Variants in LMX1A observed in about 807,000 individuals in gnomAD.
LMX1A encodes the protein LIM homeobox transcription factor 1-alpha.
LMX1A carries 15 observed loss-of-function variants against 49.1 expected under a neutral mutation model. The observed-to-expected ratio is 0.31, with a 90% CI of 0.20 to 0.47. The LOEUF is 0.47. LMX1A is among the 20% of genes least tolerant of loss of function. LMX1A has a pLI of 1.00. For synonymous variants in LMX1A, 167 were observed against 185.7 expected (o/e 0.90, Z 0.82); for missense variants, 372 against 475.8 (o/e 0.78, Z 2.03).
intron 3 of LMX1A, among the ~76,000 whole-genome samples, chr1:165,339,366 G>A (rs1317219562): frequency 1.3e-5 from 2 of 152,216 alleles, no homozygotes; most frequent in Non-Finnish European, 2.9e-5. Flanking sequence ...ATGTGCATAG[G>A]CACAGCTGAC....
intron 3 of LMX1A, among the ~76,000 whole-genome samples, chr1:165,339,610 G>A (rs1285534769): frequency 1.3e-5 from 2 of 152,222 alleles, no homozygotes; most frequent in Admixed American, 1.3e-4. Context: ...TGGCAAAGCA[G>A]CTCTGTGAGA....
chr1:165,356,250 G>A (rs1408109509), intron 1 of LMX1A, 105 bp downstream of exon 1: 1 of 152,308 alleles, frequency 6.6e-6, no homozygotes, highest in African/African-American at 2.4e-5. Context: ...AGTCGCCTCG[G>A]GGAGGAGCCC....
chr1:165,312,319 T>C (rs1355911268), intron 3 of LMX1A, among the ~76,000 whole-genome samples: 4 of 152,344 alleles, frequency 2.6e-5, no homozygotes, highest in Admixed American at 6.5e-5. Flanking sequence ...TCTGCCCCTA[T>C]TTGCTGTTGC....
At chr1:165,301,322 A>G (rs1654768385) in intron 3 of LMX1A, among the ~76,000 whole-genome samples, 1 of 152,150 alleles carries the variant, frequency 6.6e-6, no homozygotes, top group African/African-American at 2.4e-5. Context: ...TCGCTGCACA[A>G]CGTTTGGCTT....
At chr1:165,346,445 T>A (rs1656246097) in intron 3 of LMX1A, among the ~76,000 whole-genome samples, 1 of 152,232 alleles carries the variant, frequency 6.6e-6, no homozygotes, top group Non-Finnish European at 1.5e-5. Flanking sequence ...TAATGGGGAA[T>A]CTGGCAATCG....
chr1:165,234,946 C>A (rs1355723184), intron 4 of LMX1A, among the ~76,000 whole-genome samples: 1 of 152,172 alleles, frequency 6.6e-6, no homozygotes, highest in Non-Finnish European at 1.5e-5. Context: ...GAACAGCAAA[C>A]ATTCATAGAA....
intron 4 of LMX1A, among the ~76,000 whole-genome samples, chr1:165,225,237 G>C (rs1029295609): frequency 6.6e-6 from 1 of 152,170 alleles, no homozygotes; most frequent in Non-Finnish European, 1.5e-5. Context: ...GAGAAATCTT[G>C]GACAGACCTT....
chr1:165,300,866 A>T (rs1654755061), intron 3 of LMX1A, among the ~76,000 whole-genome samples: 1 of 152,150 alleles, frequency 6.6e-6, no homozygotes, highest in African/African-American at 2.4e-5. Context: ...GATGTCTGTG[A>T]ACCCAGGTAT....
chr1:165,231,907 G>A (rs1457596571), intron 4 of LMX1A, among the ~76,000 whole-genome samples: 3 of 152,090 alleles, frequency 2.0e-5, no homozygotes, highest in African/African-American at 2.4e-5. Flanking sequence ...CTGGGAATTC[G>A]CCTATACAGA....
At chr1:165,277,814 C>A (rs1654013465) in intron 3 of LMX1A, among the ~76,000 whole-genome samples, 1 of 152,180 alleles carries the variant, frequency 6.6e-6, no homozygotes, top group Non-Finnish European at 1.5e-5. Context: ...AAGAATCAAG[C>A]TTCTTTCATT....
At chr1:165,282,680 C>T (rs1310007762) in intron 3 of LMX1A, among the ~76,000 whole-genome samples, 1 of 152,132 alleles carries the variant, frequency 6.6e-6, no homozygotes, top group Admixed American at 6.5e-5. Flanking sequence ...ATTCACGTGG[C>T]AGTTAGTAGG....
chr1:165,275,847 ATGTGTGTGTGTGTGTGTG>A (rs529022372), intron 3 of LMX1A, among the ~76,000 whole-genome samples: 1,397 of 139,070 alleles, frequency 0.01, 21 homozygotes, highest in African/African-American at 0.036. Context: ...GTGTGTGTGT[ATGTGTGTGTGTGTGTGTG>A]TGTGTGTGTG....
At position 165,334,612 on chromosome 1, in the gene LMX1A, A is replaced by T. The variant is rs114702179; in HGVS notation, c.263+18464T>A. Among the ~76,000 whole-genome samples the T allele has an allele frequency of 8.3e-3, 1,254 of 151,934 alleles. 7 individuals carry two copies. Among genetic ancestry groups the T allele is most frequent in the Non-Finnish European group, 0.013 (872 of 67,974 alleles). ...AAAACTAAACATACATAATCACATG[A>T]CTAATTATGAGGAAGCTAAATACTG... On this transcript the variant is annotated intron_variant, in intron 3 of 8. Coordinates refer to ENST00000342310, the MANE Select transcript of LMX1A (RefSeq NM_177398.4).
In LMX1A at chr1:165,355,845, C is replaced by T. The variant is rs974893354; in HGVS notation, c.-22-264G>A. 2 of 475,122 alleles carry T rather than the reference C, an allele frequency of 4.2e-6. No individual in the cohort carries two copies. Among genetic ancestry groups the T allele is most frequent in the South Asian group, 5.6e-5 (2 of 35,514 alleles). 29.4% of individuals were successfully genotyped at this position (475,122 alleles called of 1,614,324 possible). A position where few individuals can be genotyped will look rare whatever the true frequency, so the allele number is the denominator to read the frequency against. ...AACTGCGTTTCTCCTTCTCCTGCCC[C>T]CCTCACCCCCACCTACATCCCTTGC... On this transcript the variant is annotated intron_variant, in intron 1 of 8. Transcript: ENST00000342310. This position sits in a 1 kb window ranked among gnomAD's most constrained non-coding sequence, Gnocchi z 4.7.
rs972981935 is a variant in LMX1A, at chr1:165,317,007, G to A, written c.263+36069C>T. Among the ~76,000 whole-genome samples, 7 of 152,292 alleles carry A rather than the reference G, an allele frequency of 4.6e-5. No individual in the cohort carries two copies. The South Asian group carries it at 6.2e-4, about 14-fold the overall frequency. ...AAACCCAAAAGATAGGATTATTTAC[G>A]GAACTGATACTTGTAAATGGCTTGA... On this transcript the variant is annotated intron_variant, in intron 3 of 8. Coordinates refer to ENST00000342310, the MANE Select transcript of LMX1A (RefSeq NM_177398.4).
chr1:165,277,111 G>T (rs576047010), intron 3 of LMX1A, among the ~76,000 whole-genome samples: 214 of 152,354 alleles, frequency 1.4e-3, no homozygotes, highest in African/African-American at 5.0e-3. Flanking sequence ...TTGACTGTTT[G>T]CCACAGGAAT....
At chr1:165,285,910 C>G (rs1222396810) in intron 3 of LMX1A, among the ~76,000 whole-genome samples, 1 of 152,124 alleles carries the variant, frequency 6.6e-6, no homozygotes, top group East Asian at 1.9e-4. Flanking sequence ...TGGTGTTGAT[C>G]AGAGATATAG....
intron 4 of LMX1A, among the ~76,000 whole-genome samples, chr1:165,233,788 T>G (rs1312062325): frequency 6.6e-6 from 1 of 152,254 alleles, no homozygotes; most frequent in Non-Finnish European, 1.5e-5. Context: ...GCAGGTGCTT[T>G]GCCTGTTTTG....
chr1:165,316,312 G>C (rs1248798541), intron 3 of LMX1A, among the ~76,000 whole-genome samples: 6 of 152,242 alleles, frequency 3.9e-5, no homozygotes, highest in African/African-American at 9.6e-5. Context: ...ACCACGGGGA[G>C]ATGGGGAGGG....
Sources: gnomAD v4.1 joint callset for allele counts (sites outside exome capture counted in the v4.1 genomes callset) on GRCh38, gnomAD v4.1.1 for gene constraint, Gnocchi (gnomAD v3.1) non-coding constraint, MANE v1.5 for transcripts, NCBI Gene and HGNC (gene_info 2026-07-23, HGNC 2026-07-21) for gene names.